The following CFAP47 variants were observed in gnomAD, a reference collection of about 807,000 sequenced individuals.
CFAP47 encodes the protein cilia- and flagella-associated protein 47.
In CFAP47, 29 loss-of-function variants were observed where a neutral mutation model predicts 148.1. The observed-to-expected ratio is 0.20, with a 90% CI of 0.15 to 0.27. The LOEUF is 0.27. Among genes scored for constraint, CFAP47 ranks in the 10% least tolerant of loss-of-function variants. The probability of loss-of-function intolerance (pLI) is 1.00; values close to 1 mark genes in which losing one functional copy is unlikely to be tolerated. For missense variants in CFAP47, 1,872 were observed against 1,697.5 expected (o/e 1.10, Z -1.81); for synonymous variants, 664 against 577.3 (o/e 1.15, Z -2.15).
chrX:36,134,044 A>C (rs1007516943), intron 33 of CFAP47, among the ~76,000 whole-genome samples: 1 of 110,781 alleles, frequency 9.0e-6, no homozygotes, highest in African/African-American at 3.3e-5. Flanking sequence ...TAAAATAAAA[A>C]TATACCATTT....
intron 2 of CFAP47, 42 bp from the exon 3 acceptor site, chrX:35,941,241 G>T (rs1323839455): frequency 1.4e-6 from 1 of 734,452 alleles, no homozygotes; most frequent in Admixed American, 2.9e-5. Context: ...AGGCTCTTAT[G>T]ATTGTTAAAT....
At chrX:36,149,279 G>A (rs1224876039) in intron 37 of CFAP47, 56 bp downstream of exon 37, 1 of 278,736 alleles carries the variant, frequency 3.6e-6, no homozygotes, top group East Asian at 5.1e-5. Context: ...AATATTTAAT[G>A]TTATAATTAT....
At chrX:36,134,480 A>G (rs1939006784) in intron 33 of CFAP47, among the ~76,000 whole-genome samples, 1 of 110,972 alleles carries the variant, frequency 9.0e-6, no homozygotes, top group South Asian at 3.7e-4. Flanking sequence ...CTACACAAAT[A>G]TAATCAACTG....
intron 62 of CFAP47, among the ~76,000 whole-genome samples, chrX:36,371,545 ATG>A (rs1426728557): frequency 9.7e-6 from 1 of 103,389 alleles, no homozygotes; most frequent in African/African-American, 3.5e-5. Flanking sequence ...GTGTATACAT[ATG>A]TGTATATATA....
Position 36,310,810 on chromosome X carries a change from T to TA in CFAP47, c.8188-22dup, listed in dbSNP as rs1267523800. 6 of 1,091,346 alleles carry TA rather than the reference T, an allele frequency of 5.5e-6. No homozygotes were observed. The African/African-American group carries it at 5.6e-5, about 10-fold the overall frequency. The allele number at this position is 1,091,346 out of a possible 1,213,427, so 89.9% of individuals were successfully genotyped here. A position where few individuals can be genotyped will look rare whatever the true frequency, so the allele number is the denominator to read the frequency against. On this transcript the variant is annotated intron_variant, in intron 55 of 63. Coordinates refer to ENST00000378653, the MANE Select transcript of CFAP47 (RefSeq NM_001304548.2). ...ATATATGCAGTTAGGACACATAAGTTACGAATACTTATCTTCAAACAGTTT... is the reference window on the plus strand; with the variant it reads ...ATATATGCAGTTAGGACACATAAGTTAACGAATACTTATCTTCAAACAGTTT...
At chrX:36,354,480 C>CAAAA (rs869120972) in intron 60 of CFAP47, among the ~76,000 whole-genome samples, 4 of 40,531 alleles carry the variant, frequency 9.9e-5, no homozygotes, top group African/African-American at 3.0e-4. Context: ...GACTCTGTCT[C>CAAAA]AAAAAAAAAA....
At chrX:36,008,943 A>G (rs1226150316) in intron 21 of CFAP47, among the ~76,000 whole-genome samples, 2 of 111,136 alleles carry the variant, frequency 1.8e-5, no homozygotes, top group Non-Finnish European at 3.8e-5. Flanking sequence ...CTCATAGTAT[A>G]TCCGGTACCC....
chrX:36,306,707 A>C (rs1941352572), intron 54 of CFAP47, 65 bp from the exon 55 acceptor site: 1 of 621,019 alleles, frequency 1.6e-6, no homozygotes, highest in Admixed American at 2.9e-5. Context: ...TAGTACACAA[A>C]GATACCAACT....
chrX:35,934,496 A>G (rs1935880876), intron 2 of CFAP47, among the ~76,000 whole-genome samples: 1 of 110,751 alleles, frequency 9.0e-6, no homozygotes. Context: ...CAGAAATGCC[A>G]TCCAAGAGTT....
At chrX:36,218,118 A>G (rs782229453) in intron 45 of CFAP47, among the ~76,000 whole-genome samples, 23 of 112,450 alleles carry the variant, frequency 2.0e-4, no homozygotes, top group South Asian at 1.5e-3. Flanking sequence ...AAAATTAAAA[A>G]TAAACTCTGT....
intron 21 of CFAP47, among the ~76,000 whole-genome samples, chrX:36,012,295 A>T (rs963315431): frequency 1.6e-4 from 18 of 111,627 alleles, no homozygotes; most frequent in African/African-American, 5.5e-4. Context: ...ATACCATTTG[A>T]CCCAGCAATT....
chrX:36,318,817 T>C (rs1227093317), intron 56 of CFAP47, among the ~76,000 whole-genome samples: 1 of 111,346 alleles, frequency 9.0e-6, no homozygotes, highest in Non-Finnish European at 1.9e-5. Flanking sequence ...TATCTGCTTG[T>C]TGAGTAGTTC....
chrX:35,959,899 A>C (rs1029419610), intron 8 of CFAP47, among the ~76,000 whole-genome samples: 8 of 109,026 alleles, frequency 7.3e-5, no homozygotes, highest in Admixed American at 4.9e-4. Flanking sequence ...AAAAAAAAAA[A>C]AACTATTTGT....
intron 1 of CFAP47, among the ~76,000 whole-genome samples, chrX:35,924,636 C>T (rs73466925): frequency 0.036 from 3,890 of 108,241 alleles, 199 homozygotes; most frequent in African/African-American, 0.12. Flanking sequence ...GATTGAGCAA[C>T]ATTTTTATTA....
chrX:36,383,131 C>T lies in CFAP47; in HGVS notation c.9355-1666C>T, dbSNP rs1187599036. Among the ~76,000 whole-genome samples, 3 of 111,522 alleles carry T rather than the reference C, an allele frequency of 2.7e-5. No homozygotes were observed. The Admixed American group carries it at 2.9e-4, about 11-fold the overall frequency. On this transcript the variant is annotated intron_variant, in intron 63 of 63. Coordinates refer to ENST00000378653, the MANE Select transcript of CFAP47 (RefSeq NM_001304548.2). ...TCCATACACACACACGAAGCACACA[C>T]ACACAAGCACACACACACTCAGCAT...
At chrX:36,230,633 T>C (rs1210416713) in intron 46 of CFAP47, among the ~76,000 whole-genome samples, 2 of 110,129 alleles carry the variant, frequency 1.8e-5, no homozygotes, top group Non-Finnish European at 3.8e-5. Flanking sequence ...CATTTGTCAA[T>C]TTTGGCTTTT....
intron 22 of CFAP47, among the ~76,000 whole-genome samples, chrX:36,025,409 G>C (rs2146713775): frequency 9.1e-6 from 1 of 110,432 alleles, no homozygotes; most frequent in South Asian, 3.9e-4. Context: ...TAAGGCTAGA[G>C]GGTCCCTTGA....
At chrX:36,240,141 G>T (rs781816172) in intron 48 of CFAP47, among the ~76,000 whole-genome samples, 24 of 111,782 alleles carry the variant, frequency 2.1e-4, no homozygotes, top group African/African-American at 7.8e-4. Context: ...AGGAGGGGAT[G>T]ATCTGATTTC....
rs782543872 is a variant in CFAP47, at chrX:36,251,487, G to T, written c.7444+43G>T. The T allele has an allele frequency of 9.0e-6, 4 of 444,874 alleles. No individual in the cohort carries two copies. The South Asian group carries it at 1.1e-4, about 12-fold the overall frequency. The allele number at this position is 444,874 out of a possible 1,213,427, so 36.7% of individuals were successfully genotyped here. On this transcript the variant is annotated intron_variant, in intron 49 of 63. Coordinates refer to ENST00000378653, the MANE Select transcript of CFAP47 (RefSeq NM_001304548.2). ...AAAATATTAGTCATTTTCCTACTAC[G>T]CTAAGATGGAAATATGATGAGACAA... is the stretch of plus-strand genomic sequence containing the variant.
Sources: gnomAD v4.1 joint callset for allele counts (sites outside exome capture counted in the v4.1 genomes callset) on GRCh38, gnomAD v4.1.1 for gene constraint, MANE v1.5 for transcripts, NCBI Gene and HGNC (gene_info 2026-07-23, HGNC 2026-07-21) for gene names.